HDHD2: variants seen among roughly 807,000 people sequenced by gnomAD.
HDHD2 encodes the protein haloacid dehalogenase-like hydrolase domain-containing protein 2.
A neutral mutation model predicts 24.8 loss-of-function variants in HDHD2; 26 were observed. That is an observed-to-expected ratio of 1.05 (90% CI 0.77 to 1.45). The LOEUF is 1.45. HDHD2 is among the 40% of genes most tolerant of loss of function. HDHD2 has a pLI of 0.00. For synonymous variants in HDHD2, 128 were observed against 114.9 expected (o/e 1.11, Z -0.73); for missense variants, 299 against 313.4 (o/e 0.95, Z 0.35).
Position 47,116,220 on chromosome 18 carries a change from C to T in HDHD2, c.396-872G>A, listed in dbSNP as rs181990121. On this transcript the variant is annotated intron_variant, in intron 4 of 6. Transcript: ENST00000300605. ...TTTAGTCACATGGCAGAAGTACTCA[C>T]GCACATATTATCATCTAATAGCATG... Among the ~76,000 whole-genome samples, 47 of 152,288 alleles carry T rather than the reference C, an allele frequency of 3.1e-4. No homozygotes were observed. The East Asian group carries it at 6.6e-3, about 21-fold the overall frequency.
chr18:47,131,339 A>G (rs1019441165), intron 3 of HDHD2, among the ~76,000 whole-genome samples: 1 of 152,240 alleles, frequency 6.6e-6, no homozygotes, highest in Admixed American at 6.5e-5. Context: ...GCCAATTCCT[A>G]TTTGCCTCTC....
chr18:47,141,261 T>C (rs904618186), intron 1 of HDHD2, among the ~76,000 whole-genome samples: 1 of 152,218 alleles, frequency 6.6e-6, no homozygotes, highest in African/African-American at 2.4e-5. Context: ...CAATTAATGT[T>C]AAGACAATCT....
At chr18:47,137,417 TCTTTC>T (rs1156762402) in intron 1 of HDHD2, 1 of 269,282 alleles carries the variant, frequency 3.7e-6, no homozygotes, top group East Asian at 9.7e-5. Flanking sequence ...TTTTCTCTAT[TCTTTC>T]CTTTCCTCTT....
intron 1 of HDHD2, among the ~76,000 whole-genome samples, chr18:47,138,764 C>T (rs994808033): frequency 2.0e-5 from 3 of 152,208 alleles, no homozygotes; most frequent in Non-Finnish European, 2.9e-5. Flanking sequence ...CACCTTTCAT[C>T]TGCCCAAGGC....
At chr18:47,123,600 A>G (rs1324835079) in intron 4 of HDHD2, among the ~76,000 whole-genome samples, 1 of 152,186 alleles carries the variant, frequency 6.6e-6, no homozygotes, top group African/African-American at 2.4e-5. Flanking sequence ...AAAAACAAAA[A>G]CAAAAATACA....
In HDHD2 at chr18:47,141,514, T is replaced by C. The variant is rs1265638441; in HGVS notation, c.-10-5065A>G. On this transcript the variant is annotated intron_variant, in intron 1 of 6. Transcript: ENST00000300605. ...CCTTCTAAAAACAGGAGTGTCCTCA[T>C]ATATTATTTCAAATTCTTCTGTGAG... Among the ~76,000 whole-genome samples the C allele has an allele frequency of 2.0e-5, 3 of 152,208 alleles. No individual in the cohort carries two copies. In the East Asian group the frequency reaches 5.8e-4, roughly 29 times the overall value.
intron 1 of HDHD2, among the ~76,000 whole-genome samples, chr18:47,146,347 C>G (rs1183714226): frequency 6.6e-6 from 1 of 151,946 alleles, no homozygotes; most frequent in Non-Finnish European, 1.5e-5. Flanking sequence ...CACCAACCTA[C>G]AGATGGGCAA....
intron 4 of HDHD2, among the ~76,000 whole-genome samples, chr18:47,121,842 C>T (rs2063610201): frequency 6.6e-6 from 1 of 152,198 alleles, no homozygotes; most frequent in Non-Finnish European, 1.5e-5. Context: ...GGTGCCCCCT[C>T]CTCCTGAAAT....
intron 4 of HDHD2, among the ~76,000 whole-genome samples, chr18:47,123,900 G>C (rs944976628): frequency 6.6e-6 from 1 of 152,158 alleles, no homozygotes; most frequent in Non-Finnish European, 1.5e-5. Flanking sequence ...AAAGGAGGTA[G>C]AATAGCCAAG....
chr18:47,146,542 A>AGAC (rs1346971217), intron 1 of HDHD2, among the ~76,000 whole-genome samples: 1 of 152,210 alleles, frequency 6.6e-6, no homozygotes, highest in Non-Finnish European at 1.5e-5. Context: ...ACATGAACAA[A>AGAC]GACGTCTATA....
At chr18:47,136,651 T>TTAA (rs772563007) in intron 1 of HDHD2, among the ~76,000 whole-genome samples, 2 of 148,946 alleles carry the variant, frequency 1.3e-5, no homozygotes, top group Admixed American at 6.7e-5. Context: ...GGTTTTTTTT[T>TTAA]AAAAAAAAAA....
At chr18:47,110,876 A>G in intron 6 of HDHD2, 3 of 984,964 alleles carry the variant, frequency 3.0e-6, no homozygotes, top group Non-Finnish European at 3.6e-6. Flanking sequence ...ATCTTTAACA[A>G]ATAATTGATC....
rs1340797828 is a variant in HDHD2 at position 47,115,273 on chromosome 18, C to T, written c.471G>A (p.Leu157=). Residue 157 remains leucine (L), a synonymous_variant, in exon 5 of 7, where the codon CTG becomes CTA. Transcript: ENST00000300605. ...RYYKRKDGLA[L]GPGPFVTALE... is the part of the protein sequence containing the mutation. ...AAGCAGTCACAAATGGTCCAGGCCC[C>T]AGGGCTAAGCCATCTTTCCTCTTGT... 2 of 1,614,084 alleles carry T rather than the reference C, an allele frequency of 1.2e-6. No individual in the cohort carries two copies. The highest frequency in any genetic ancestry group is 4.5e-5 in the East Asian group (2 of 44,874).
rs1007856439 is a variant in HDHD2, at chr18:47,125,021, G to T, written c.395+5223C>A. Among the ~76,000 whole-genome samples, 3 of 152,068 alleles carry T rather than the reference G, an allele frequency of 2.0e-5. No individual in the cohort carries two copies. In the South Asian group the frequency reaches 6.2e-4, roughly 32 times the overall value. On this transcript the variant is annotated intron_variant, in intron 4 of 6. Coordinates refer to ENST00000300605, the MANE Select transcript of HDHD2 (RefSeq NM_032124.5). Reference sequence around the variant, plus strand: ...CAAAAACGAATTAAAAATTAGCCAGGTGTAGTGGCACACATCTGTAGTCCT... The same window carrying T: ...CAAAAACGAATTAAAAATTAGCCAGTTGTAGTGGCACACATCTGTAGTCCT...
intron 4 of HDHD2, among the ~76,000 whole-genome samples, chr18:47,129,340 TATA>T (rs1420860928): frequency 6.6e-6 from 1 of 152,116 alleles, no homozygotes; most frequent in Non-Finnish European, 1.5e-5. Context: ...ACTGAAGATT[TATA>T]ATATCTTATA....
chr18:47,121,970 C>T (rs997185545), intron 4 of HDHD2, among the ~76,000 whole-genome samples: 1 of 152,286 alleles, frequency 6.6e-6, no homozygotes, highest in Admixed American at 6.5e-5. Context: ...ACTTCCTCCT[C>T]ACATTTGGTA....
chr18:47,145,870 T>C (rs2063864462), intron 1 of HDHD2, among the ~76,000 whole-genome samples: 1 of 152,088 alleles, frequency 6.6e-6, no homozygotes, highest in Admixed American at 6.5e-5. Flanking sequence ...GTATAAAGTA[T>C]AAACATTAAG....
intron 1 of HDHD2, among the ~76,000 whole-genome samples, chr18:47,148,108 C>G (rs542952483): frequency 2.0e-5 from 3 of 151,950 alleles, no homozygotes; most frequent in Non-Finnish European, 4.4e-5. Flanking sequence ...CTCCCACCTC[C>G]GCCTCCCAAG....
At chr18:47,146,336 G>A (rs1445963646) in intron 1 of HDHD2, among the ~76,000 whole-genome samples, 1 of 151,884 alleles carries the variant, frequency 6.6e-6, no homozygotes, top group Admixed American at 6.6e-5. Context: ...TGAGATCAAT[G>A]CACCAACCTA....
Sources: allele counts gnomAD v4.1 joint callset (sites outside exome capture counted in the v4.1 genomes callset), GRCh38; gene constraint gnomAD v4.1.1; transcripts MANE v1.5; gene names NCBI Gene and HGNC (gene_info 2026-07-23, HGNC 2026-07-21).